The following EFCAB6 variants were observed in gnomAD, a reference collection of about 807,000 sequenced individuals.
EFCAB6 encodes EF-hand calcium-binding domain-containing protein 6.
In EFCAB6, 156 loss-of-function variants were observed where a neutral mutation model predicts 169.8. That is an observed-to-expected ratio of 0.92 (90% CI 0.81 to 1.05). The LOEUF is 1.05. Among genes scored for constraint, EFCAB6 ranks in the 50% least tolerant of loss-of-function variants. The pLI is 0.00. For missense variants in EFCAB6, 1,800 were observed against 1,829.1 expected (o/e 0.98, Z 0.29); for synonymous variants, 698 against 676.4 (o/e 1.03, Z -0.50).
At chr22:43,802,674 A>T in intron 2 of EFCAB6, 1 of 502,400 alleles carries the variant, frequency 2.0e-6, no homozygotes, top group Middle Eastern at 5.9e-4. Flanking sequence ...AAAGGGAAAA[A>T]GGGAAAAGCT....
chr22:43,625,840 GA>G (rs2054476778), intron 20 of EFCAB6, among the ~76,000 whole-genome samples: 1 of 152,182 alleles, frequency 6.6e-6, no homozygotes, highest in Admixed American at 6.5e-5. Flanking sequence ...AGTTCCCGAA[GA>G]AGAAGGTTAC....
chr22:43,602,267 C>T (rs1391305503), intron 22 of EFCAB6, among the ~76,000 whole-genome samples: 8 of 152,238 alleles, frequency 5.3e-5, no homozygotes, highest in African/African-American at 1.9e-4. Context: ...GAAAAGTACA[C>T]TTCCACCTTT....
intron 11 of EFCAB6, among the ~76,000 whole-genome samples, chr22:43,685,809 G>A (rs980828496): frequency 6.6e-6 from 1 of 152,086 alleles, no homozygotes; most frequent in Non-Finnish European, 1.5e-5. Flanking sequence ...TGGTTCATCT[G>A]CTCATATCTG....
At chr22:43,732,464 A>G (rs1276109724) in intron 7 of EFCAB6, among the ~76,000 whole-genome samples, 1 of 117,016 alleles carries the variant, frequency 8.5e-6, no homozygotes, top group Admixed American at 1.0e-4. Context: ...ATACTGAAAT[A>G]CTTTTTTTTT....
chr22:43,567,871 C>T (rs140715343), intron 26 of EFCAB6, among the ~76,000 whole-genome samples: 461 of 152,312 alleles, frequency 3.0e-3, no homozygotes, highest in African/African-American at 0.01. Flanking sequence ...CAAGCTCCTG[C>T]CAGCCGGTGC....
At chr22:43,603,130 T>C (rs2052646990) in intron 22 of EFCAB6, among the ~76,000 whole-genome samples, 1 of 152,178 alleles carries the variant, frequency 6.6e-6, no homozygotes, top group South Asian at 2.1e-4. Context: ...AAGGGCTCAC[T>C]AACAACAAAC....
In EFCAB6 at chr22:43,672,106, T is replaced by C; in HGVS notation, c.1507A>G (p.Thr503Ala). ...TTATAAAAAGCTTGTAGGTTCCTAG[T>C]AATTGTATCATGAACAATTTCTTCC... ...SVEEIVHDTI[T>A]RNLQAFYNML... Residue 503 changes from threonine to alanine, a missense_variant, in exon 15 of 32, where the codon ACT becomes GCT. Transcript: ENST00000262726. 6.2e-7 allele frequency: 1 copy of C among 1,613,854 alleles called. No individual in the cohort carries two copies.
chr22:43,612,996 T>C (rs1163619459), intron 21 of EFCAB6, among the ~76,000 whole-genome samples: 1 of 150,258 alleles, frequency 6.7e-6, no homozygotes, highest in Non-Finnish European at 1.5e-5. Flanking sequence ...AGTCCAACCA[T>C]TGTGGAAAGC....
At chr22:43,593,640 G>A (rs997048356) in intron 23 of EFCAB6, among the ~76,000 whole-genome samples, 2 of 152,166 alleles carry the variant, frequency 1.3e-5, no homozygotes, top group Admixed American at 6.5e-5. Flanking sequence ...GGGTGTGTTC[G>A]AACTGCTCTT....
At chr22:43,746,259 A>C (rs535237766) in intron 6 of EFCAB6, among the ~76,000 whole-genome samples, 3 of 152,324 alleles carry the variant, frequency 2.0e-5, no homozygotes, top group African/African-American at 4.8e-5. Context: ...CCATAGGCAT[A>C]CCCTGCCTTT....
At chr22:43,561,124 C>T (rs549578940) in intron 26 of EFCAB6, among the ~76,000 whole-genome samples, 2 of 152,110 alleles carry the variant, frequency 1.3e-5, no homozygotes, top group Admixed American at 1.3e-4. Flanking sequence ...TTTGGGAGGC[C>T]AAGGTGGGTG....
chr22:43,706,517 G>A (rs985505783), intron 10 of EFCAB6, among the ~76,000 whole-genome samples: 1 of 152,212 alleles, frequency 6.6e-6, no homozygotes, highest in Non-Finnish European at 1.5e-5. Flanking sequence ...ATTCTCCAAT[G>A]AGTCTTTGGT....
chr22:43,731,833 G>A (rs2059962106), intron 7 of EFCAB6, 22 bp from the exon 8 acceptor site: 1 of 1,450,730 alleles, frequency 6.9e-7, no homozygotes, highest in African/African-American at 1.4e-5. Context: ...ATGTTCTTTA[G>A]TAATGAGAAA....
chr22:43,608,885 A>T (rs1220616736), intron 21 of EFCAB6, among the ~76,000 whole-genome samples: 1 of 152,170 alleles, frequency 6.6e-6, no homozygotes, highest in Non-Finnish European at 1.5e-5. Flanking sequence ...TTCAAAAATG[A>T]TTAGAAATAA....
intron 21 of EFCAB6, among the ~76,000 whole-genome samples, chr22:43,612,895 A>AT (rs2053417067): frequency 1.5e-5 from 2 of 136,382 alleles, no homozygotes; most frequent in African/African-American, 5.5e-5. Flanking sequence ...CTCCATCTCA[A>AT]TTAAAAAAAA....
chr22:43,753,558 C>T (rs1416882894), intron 6 of EFCAB6, among the ~76,000 whole-genome samples: 1 of 152,212 alleles, frequency 6.6e-6, no homozygotes, highest in Non-Finnish European at 1.5e-5. Flanking sequence ...ATCTGGCCTT[C>T]TCCCTTGACT....
chr22:43,668,454 T>C (rs894956670), intron 16 of EFCAB6, among the ~76,000 whole-genome samples: 1 of 152,216 alleles, frequency 6.6e-6, no homozygotes, highest in Non-Finnish European at 1.5e-5. Context: ...TATTAAAAAA[T>C]GTTAACTGAT....
At chr22:43,784,668 TACATATATACACACACAC>T (rs1415510481) in intron 2 of EFCAB6, among the ~76,000 whole-genome samples, 6 of 68,794 alleles carry the variant, frequency 8.7e-5, no homozygotes, top group Admixed American at 2.3e-4. Context: ...TATATACATA[TACATATATACACACACAC>T]ACACACACAC....
intron 20 of EFCAB6, among the ~76,000 whole-genome samples, chr22:43,618,370 G>A (rs908718975): frequency 2.6e-5 from 4 of 151,940 alleles, no homozygotes; most frequent in African/African-American, 9.7e-5. Flanking sequence ...AAGACCTCAG[G>A]GAACACACTC....
Sources: gnomAD v4.1 joint callset for allele counts (sites outside exome capture counted in the v4.1 genomes callset) on GRCh38, gnomAD v4.1.1 for gene constraint, MANE v1.5 for transcripts, NCBI Gene and HGNC (gene_info 2026-07-23, HGNC 2026-07-21) for gene names.